The following COLEC10 variants were observed in gnomAD, a reference collection of about 807,000 sequenced individuals.
The protein encoded by COLEC10 is collectin subfamily member 10.
COLEC10 carries 22 observed loss-of-function variants against 28.4 expected under a neutral mutation model. That is an observed-to-expected ratio of 0.78 (90% CI 0.55 to 1.11). The LOEUF is 1.11. Ranked by LOEUF, COLEC10 falls within the 50% of genes least tolerant of loss-of-function variation. COLEC10 has a pLI of 0.00. For synonymous variants in COLEC10, 125 were observed against 116.1 expected, an observed-to-expected ratio of 1.08 and a Z score of -0.49; for missense variants, 361 against 344.1, an observed-to-expected ratio of 1.05 and a Z score of -0.39.
intron 1 of COLEC10, among the ~76,000 whole-genome samples, chr8:119,078,370 G>A (rs1454404399): frequency 6.6e-6 from 1 of 152,146 alleles, no homozygotes; most frequent in Non-Finnish European, 1.5e-5. Context: ...CATTAGATTT[G>A]CTTCTTAGGC....
At chr8:119,079,374 A>G (rs754826281) in intron 1 of COLEC10, among the ~76,000 whole-genome samples, 5 of 152,172 alleles carry the variant, frequency 3.3e-5, no homozygotes, top group Non-Finnish European at 5.9e-5. Flanking sequence ...TCAGTGATGG[A>G]GCCTGGACTT....
the COLEC10 span, among the ~76,000 whole-genome samples, chr8:118,975,932 A>G: frequency 6.6e-6 from 1 of 152,088 alleles, no homozygotes; most frequent in Non-Finnish European, 1.5e-5. Context: ...TGTTGAGCTT[A>G]TAAGGTAGAT....
chr8:119,021,590 C>T (rs1037487079), intron 2 of COLEC10, among the ~76,000 whole-genome samples: 1 of 152,074 alleles, frequency 6.6e-6, no homozygotes, highest in African/African-American at 2.4e-5. Flanking sequence ...GGGTTAAGGC[C>T]TTAGAGTCCT....
upstream of COLEC10, among the ~76,000 whole-genome samples, chr8:119,064,267 T>C (rs1814910842): frequency 6.7e-6 from 1 of 148,980 alleles, no homozygotes; most frequent in Admixed American, 6.6e-5. Context: ...ACACATTATA[T>C]AGGAATGTAT....
chr8:119,102,355 A>G lies in COLEC10; in HGVS notation c.300A>G (p.Lys100=). 6.3e-7 allele frequency: 1 copy of G among 1,598,984 alleles called. No homozygotes were observed. Residue 100 remains lysine, a synonymous_variant, in exon 4 of 6, where the codon AAA becomes AAG. Coordinates refer to ENST00000332843, the MANE Select transcript of COLEC10 (RefSeq NM_006438.5). ...KTGPIGKKGD[K]GEKGLLGIPG... is the part of the protein sequence containing the mutation. ...GCTATTGTTTTTTTTCAGGTGACAA[A>G]GGGGAAAAAGGTTTGCTTGGAATAC...
chr8:119,003,860 C>A (rs6469794), intron 1 of COLEC10, among the ~76,000 whole-genome samples: 1 of 151,878 alleles, frequency 6.6e-6, no homozygotes, highest in African/African-American at 2.4e-5. Context: ...TTGATAAGGT[C>A]CAGAGAAAAC....
intron 1 of COLEC10, among the ~76,000 whole-genome samples, chr8:119,004,618 G>T (rs558150210): frequency 3.3e-4 from 49 of 150,564 alleles, no homozygotes; most frequent in South Asian, 6.4e-4. Context: ...TCAATGCAGA[G>T]ATATATATAT....
chr8:119,027,995 C>A (rs1406414269), intron 2 of COLEC10, among the ~76,000 whole-genome samples: 1 of 146,182 alleles, frequency 6.8e-6, no homozygotes, highest in Non-Finnish European at 1.5e-5. Flanking sequence ...CTCAGCTTAC[C>A]TTGAAGGATC....
In COLEC10 at chr8:119,106,318, G is replaced by C; in HGVS notation, c.*127G>C. On this transcript the variant is annotated 3_prime_UTR_variant, in exon 6 of 6. Coordinates refer to ENST00000332843, the MANE Select transcript of COLEC10 (RefSeq NM_006438.5). ...CATAGCTAGAAAATGCTAAACTGAG[G>C]TATGGAGCCTCCATCATCATGCTCT... is the stretch of plus-strand genomic sequence containing the variant. 1.1e-6 allele frequency: 1 copy of C among 902,762 alleles called. No homozygotes were observed. Among genetic ancestry groups the C allele is most frequent in the Non-Finnish European group, 1.7e-6 (1 of 596,974 alleles). The allele number at this position is 902,762 out of a possible 1,614,324, so 55.9% of individuals were successfully genotyped here. A position where few individuals can be genotyped will look rare whatever the true frequency, so the allele number is the denominator to read the frequency against.
chr8:118,978,839 C>T, the COLEC10 span, among the ~76,000 whole-genome samples: 1 of 151,988 alleles, frequency 6.6e-6, no homozygotes, highest in Non-Finnish European at 1.5e-5. Context: ...CCAGATAAAC[C>T]TCTCATCCAT....
rs535157042 is a variant in COLEC10, at chr8:119,103,591, T to C, written c.347-209T>C. Reference sequence around the variant, plus strand: ...TAGTTTAGAATTGTCTTATAGTTCATTCAAAACATTTACAAGATATTTTCT... The same window carrying C: ...TAGTTTAGAATTGTCTTATAGTTCACTCAAAACATTTACAAGATATTTTCT... On this transcript the variant is annotated intron_variant, in intron 4 of 5. Transcript: ENST00000332843. 2.0e-5 allele frequency among the ~76,000 whole-genome samples: 3 copies of C among 152,342 alleles called. No homozygotes were observed. The East Asian group carries it at 5.8e-4, about 29-fold the overall frequency.
At chr8:119,005,197 A>G (rs1280257315) in intron 1 of COLEC10, among the ~76,000 whole-genome samples, 2 of 152,150 alleles carry the variant, frequency 1.3e-5, no homozygotes, top group African/African-American at 2.4e-5. Context: ...ACCTTTTGAA[A>G]GAGAAATTGG....
chr8:119,084,379 T>C (rs1379049682), intron 1 of COLEC10, among the ~76,000 whole-genome samples: 2 of 152,212 alleles, frequency 1.3e-5, no homozygotes, highest in Non-Finnish European at 2.9e-5. Context: ...CTTCTGTGAA[T>C]CACCAGTGGA....
intron 2 of COLEC10, among the ~76,000 whole-genome samples, chr8:119,046,734 C>T (rs1257187543): frequency 6.6e-6 from 1 of 152,108 alleles, no homozygotes; most frequent in Admixed American, 6.6e-5. Context: ...TGATTATAAT[C>T]TTTATTTTAG....
At chr8:118,973,234 G>A in the COLEC10 span, among the ~76,000 whole-genome samples, 15 of 152,090 alleles carry the variant, frequency 9.9e-5, no homozygotes, top group Middle Eastern at 3.4e-3. Flanking sequence ...ATGCATAATA[G>A]TTCACCACAA....
chr8:118,983,327 C>T, the COLEC10 span, among the ~76,000 whole-genome samples: 21 of 152,078 alleles, frequency 1.4e-4, no homozygotes, highest in African/African-American at 5.1e-4. Context: ...TTATATGAGA[C>T]TTTGAAGGCT....
At chr8:119,019,864 ACAGCCTAGT>A in intron 2 of COLEC10, among the ~76,000 whole-genome samples, 1 of 152,348 alleles carries the variant, frequency 6.6e-6, no homozygotes, top group Admixed American at 6.5e-5. Flanking sequence ...ATAAAGCTAA[ACAGCCTAGT>A]TAAAATTTCA....
At chr8:119,084,481 T>C (rs1815430462) in intron 1 of COLEC10, among the ~76,000 whole-genome samples, 1 of 152,216 alleles carries the variant, frequency 6.6e-6, no homozygotes, top group African/African-American at 2.4e-5. Flanking sequence ...TCATGATTTG[T>C]TTTCAAAGGA....
chr8:119,023,349 TAA>T (rs999725928), intron 2 of COLEC10, among the ~76,000 whole-genome samples: 11 of 152,154 alleles, frequency 7.2e-5, no homozygotes, highest in African/African-American at 2.7e-4. Flanking sequence ...TGTAGAATAA[TAA>T]ATGTATGGTA....
Sources: gnomAD v4.1 joint callset for allele counts (sites outside exome capture counted in the v4.1 genomes callset) on GRCh38, gnomAD v4.1.1 for gene constraint, MANE v1.5 for transcripts, NCBI Gene and HGNC (gene_info 2026-07-23, HGNC 2026-07-21) for gene names.